Variants in VCL observed in about 807,000 individuals in gnomAD.
The protein encoded by VCL is epididymis luminal protein 114.
Under a neutral mutation model 125.7 loss-of-function variants are expected in VCL, and 47 were observed. The ratio of observed to expected loss-of-function variants is 0.37; its 90% CI spans 0.30 to 0.48. The LOEUF (loss-of-function observed/expected upper bound fraction) is 0.48, where lower values mean the gene tolerates loss of function less well. Among genes scored for constraint, VCL ranks in the 20% least tolerant of loss-of-function variants. The pLI is 0.99. For missense variants in VCL, 1,069 were observed against 1,455.5 expected, an observed-to-expected ratio of 0.73 and a Z score of 4.32; for synonymous variants, 458 against 514.6, an observed-to-expected ratio of 0.89 and a Z score of 1.49.
In VCL at chr10:74,083,503, C is replaced by T. The variant is rs1839712329; in HGVS notation, c.1012C>T (p.Leu338Phe). The change falls in exon 8 of 22, where the codon CTC becomes TTC. Residue 338 changes from leucine (L) to phenylalanine (F), a missense_variant. By Grantham distance (22) the Leu-to-Phe change is conservative. Transcript: ENST00000211998. Reference sequence around the variant, plus strand: ...GCAGATGACTGATCAAGTGGCTGACCTCCGTGCCAGGTAAAAGTTCCTCTG... The same window carrying T: ...GCAGATGACTGATCAAGTGGCTGACTTCCGTGCCAGGTAAAAGTTCCTCTG... ...LGQMTDQVAD[L>F]RARGQGSSPV... is the part of the protein sequence containing the mutation. 6.2e-7 allele frequency: 1 copy of T among 1,613,894 alleles called. No individual in the cohort carries two copies. The highest frequency in any genetic ancestry group is 8.5e-7 in the Non-Finnish European group (1 of 1,179,894).
At chr10:74,074,576 G>A (rs561764502) in intron 5 of VCL, among the ~76,000 whole-genome samples, 167 bp from the exon 6 acceptor site, 1 of 152,184 alleles carries the variant, frequency 6.6e-6, no homozygotes, top group African/African-American at 2.4e-5. Context: ...TTACAATAAA[G>A]GTTGTTAATG....
intron 11 of VCL, among the ~76,000 whole-genome samples, chr10:74,095,249 T>C (rs1361601765): frequency 6.6e-6 from 1 of 152,174 alleles, no homozygotes; most frequent in East Asian, 1.9e-4. Context: ...ATTACATAGA[T>C]TTTAGATCAT....
At chr10:74,056,015 A>G (rs1363237047) in intron 2 of VCL, among the ~76,000 whole-genome samples, 1 of 152,202 alleles carries the variant, frequency 6.6e-6, no homozygotes, top group Non-Finnish European at 1.5e-5. Context: ...GGGCAGCTGT[A>G]ACGTTTGTTC....
At chr10:74,033,071 T>G (rs1840911406) in intron 1 of VCL, among the ~76,000 whole-genome samples, 1 of 152,212 alleles carries the variant, frequency 6.6e-6, no homozygotes, top group Non-Finnish European at 1.5e-5. Flanking sequence ...ATACAAAACC[T>G]TGTACACTAA....
chr10:74,116,267 C>T (rs1040538966), intron 21 of VCL, among the ~76,000 whole-genome samples: 1 of 152,136 alleles, frequency 6.6e-6, no homozygotes, highest in Non-Finnish European at 1.5e-5. Flanking sequence ...TATTCTAATC[C>T]AACAACTCTC....
Position 74,071,168 on chromosome 10 carries a change from G to T in VCL, c.499+85G>T. The T allele has an allele frequency of 7.6e-7, 1 of 1,322,634 alleles. No individual in the cohort carries two copies. 81.9% of individuals were successfully genotyped at this position (1,322,634 alleles called of 1,614,324 possible). A position where few individuals can be genotyped will look rare whatever the true frequency, so the allele number is the denominator to read the frequency against. ...AAAGGGTACCCTCTTCCTACTTTTT[G>T]CAGAAGATAGGTGAAGATGCATTGG... is the stretch of plus-strand genomic sequence containing the variant. On this transcript the variant is annotated intron_variant, in intron 4 of 21. Coordinates refer to ENST00000211998, the MANE Select transcript of VCL (RefSeq NM_014000.3). This position sits in a 1 kb window ranked among gnomAD's most constrained non-coding sequence, Gnocchi z 4.1.
At chr10:74,030,781 T>A (rs1297333556) in intron 1 of VCL, among the ~76,000 whole-genome samples, 1 of 152,230 alleles carries the variant, frequency 6.6e-6, no homozygotes, top group Non-Finnish European at 1.5e-5. Context: ...ATTTCTTGAT[T>A]TTCAACTCAT....
chr10:74,009,384 G>A (rs192677453), intron 1 of VCL, among the ~76,000 whole-genome samples: 201 of 150,648 alleles, frequency 1.3e-3, no homozygotes, highest in African/African-American at 4.7e-3. Flanking sequence ...TCAGCCTCCC[G>A]AGTAGCTGGG....
rs1463551428 is a variant in VCL, at chr10:74,097,681, G to A, written c.1872+349G>A. Among the ~76,000 whole-genome samples, 1 of 152,106 alleles carries A rather than the reference G, an allele frequency of 6.6e-6. No individual in the cohort carries two copies. ...ATGATTTTCTAGGTCATTTTCTCAG[G>A]GTGTGGGATGGCATCATGTTAAATG... On this transcript the variant is annotated intron_variant, in intron 13 of 21. Transcript: ENST00000211998. This position sits in a 1 kb window ranked among gnomAD's most constrained non-coding sequence, Gnocchi z 4.1.
At chr10:74,014,215 CTCTTT>C (rs1202003026) in intron 1 of VCL, among the ~76,000 whole-genome samples, 4 of 152,162 alleles carry the variant, frequency 2.6e-5, no homozygotes, top group Non-Finnish European at 5.9e-5. Flanking sequence ...ATTGTCTTTT[CTCTTT>C]TCTTTTCTTT....
At chr10:74,032,044 A>G (rs189228002) in intron 1 of VCL, among the ~76,000 whole-genome samples, 286 of 147,082 alleles carry the variant, frequency 1.9e-3, no homozygotes, top group Non-Finnish European at 3.3e-3. Context: ...AACCTGGGCA[A>G]CAAGAGCAAA....
rs764632864 is a variant in VCL, at chr10:74,119,693, A to G, written c.*1524A>G. ...ACCCATCGCTGTGTGTTAGTTCCCA[A>G]CATCGAATGTGTACAACTTAAGTTG... On this transcript the variant is annotated 3_prime_UTR_variant, in exon 22 of 22. Coordinates refer to ENST00000211998, the MANE Select transcript of VCL (RefSeq NM_014000.3). 7 of 152,648 alleles carry G rather than the reference A, an allele frequency of 4.6e-5. No homozygotes were observed. Among genetic ancestry groups the G allele is most frequent in the Admixed American group, 1.3e-4 (2 of 15,306 alleles). 9.5% of individuals were successfully genotyped at this position (152,648 alleles called of 1,614,324 possible). A position where few individuals can be genotyped will look rare whatever the true frequency, so the allele number is the denominator to read the frequency against.
chr10:74,105,108 T>C lies in VCL; in HGVS notation c.2189T>C (p.Ile730Thr), dbSNP rs1306632174. 13 of 1,613,984 alleles carry C rather than the reference T, an allele frequency of 8.1e-6. No individual in the cohort carries two copies. The highest frequency in any genetic ancestry group is 1.1e-5 in the Non-Finnish European group (13 of 1,180,026). Residue 730 changes from isoleucine (I) to threonine (T), a missense_variant, in exon 16 of 22, where the codon ATT becomes ACT. This residue lies in a region of VCL where 760 missense variants were observed against 928.9 expected (regional missense o/e 0.82). Transcript: ENST00000211998. ...CTGTTGGATGCTTCAGAAGAAGCAA[T>C]TAAAAAAGACCTGGACAAGTGCAAG... The part of the protein sequence containing the change: ...KSLLDASEEA[I>T]KKDLDKCKVA...
At chr10:74,033,645 G>A (rs2136242288) in intron 1 of VCL, among the ~76,000 whole-genome samples, 1 of 152,230 alleles carries the variant, frequency 6.6e-6, no homozygotes, top group African/African-American at 2.4e-5. Context: ...GTGTTGGGTC[G>A]TGATTTCATT....
chr10:74,052,936 GA>G (rs57330455), intron 2 of VCL, among the ~76,000 whole-genome samples: 3,259 of 142,520 alleles, frequency 0.023, 64 homozygotes, highest in African/African-American at 0.055. Flanking sequence ...TGGCTGTGAT[GA>G]AAAAAAAAAA....
At chr10:74,075,515 G>C (rs1272209023) in intron 6 of VCL, 3 of 153,608 alleles carry the variant, frequency 2.0e-5, no homozygotes, top group Admixed American at 1.9e-4. Context: ...GAGCCTGTTA[G>C]CAGTGGTTTT....
At chr10:74,093,487 A>G (rs990485294) in intron 10 of VCL, among the ~76,000 whole-genome samples, 1 of 152,116 alleles carries the variant, frequency 6.6e-6, no homozygotes, top group African/African-American at 2.4e-5. Flanking sequence ...TAAATAATAT[A>G]AGGCAACTGC....
intron 2 of VCL, among the ~76,000 whole-genome samples, chr10:74,066,061 A>ATAT (rs1441211975): frequency 2.5e-4 from 35 of 137,482 alleles, no homozygotes; most frequent in South Asian, 1.6e-3. Flanking sequence ...ATATATATAT[A>ATAT]TTTTTTTTTT....
intron 1 of VCL, among the ~76,000 whole-genome samples, chr10:74,029,312 A>G (rs1840830400): frequency 6.7e-6 from 1 of 148,894 alleles, no homozygotes; most frequent in Non-Finnish European, 1.5e-5. Context: ...ACGGGGTTTC[A>G]CTGTGTTAGC....
Sources: gnomAD v4.1 joint callset for allele counts (sites outside exome capture counted in the v4.1 genomes callset) on GRCh38, gnomAD v4.1.1 for gene constraint, gnomAD v4.1.1 regional missense constraint, Gnocchi (gnomAD v3.1) non-coding constraint, MANE v1.5 for transcripts, NCBI Gene and HGNC (gene_info 2026-07-23, HGNC 2026-07-21) for gene names.